CDH23: variants seen among roughly 807,000 people sequenced by gnomAD.
CDH23 encodes the protein cadherin-23.
A neutral mutation model predicts 317.1 loss-of-function variants in CDH23; 189 were observed. The observed-to-expected ratio is 0.60, with a 90% CI of 0.53 to 0.67. The LOEUF (loss-of-function observed/expected upper bound fraction) is 0.67, where lower values mean the gene tolerates loss of function less well. Ranked by LOEUF, CDH23 falls within the 30% of genes least tolerant of loss-of-function variation. CDH23 has a pLI of 0.00. For synonymous variants in CDH23, 1,839 were observed against 1,876.8 expected, an observed-to-expected ratio of 0.98 and a Z score of 0.52; for missense variants, 4,401 against 4,592.4, an observed-to-expected ratio of 0.96 and a Z score of 1.20.
At chr10:71,814,858 G>A (rs753512614) in intron 69 of CDH23, 94 bp from the exon 70 acceptor site, 17 of 1,405,052 alleles carry the variant, frequency 1.2e-5, no homozygotes, top group South Asian at 5.8e-5. Flanking sequence ...AGGAGCCCAA[G>A]GTTCAGCCAC....
chr10:71,582,841 C>A (rs1042294029), intron 9 of CDH23, among the ~76,000 whole-genome samples: 2 of 152,216 alleles, frequency 1.3e-5, no homozygotes, highest in African/African-American at 4.8e-5. Flanking sequence ...CCCTGGGAAC[C>A]TGCAGTTTGG....
intron 11 of CDH23, 48 bp from the exon 12 acceptor site, chr10:71,643,813 C>T: frequency 1.3e-6 from 1 of 765,730 alleles, no homozygotes; most frequent in East Asian, 2.4e-5. Context: ...CTCTCCGGCT[C>T]CTTCTGTCTG....
chr10:71,714,551 C>A (rs1351138571), intron 28 of CDH23: 1 of 152,216 alleles, frequency 6.6e-6, no homozygotes, highest in African/African-American at 2.4e-5. Context: ...GTGTGTGAAG[C>A]ATAAGCCACA....
intron 1 of CDH23, among the ~76,000 whole-genome samples, chr10:71,413,663 T>C (rs754953246): frequency 3.9e-5 from 6 of 152,166 alleles, no homozygotes; most frequent in Non-Finnish European, 5.9e-5. Context: ...ATGGGATGTC[T>C]TTTCATTTAT....
In CDH23 at chr10:71,759,964, T is replaced by C. The variant is rs868450486; in HGVS notation, c.4846-17716T>C. ...ACACACACATATATATACACACACA[T>C]ATATATACACACACACATATATATA... On this transcript the variant is annotated intron_variant, in intron 38 of 69. Transcript: ENST00000224721. Among the ~76,000 whole-genome samples, 325 of 59,288 alleles carry C rather than the reference T, an allele frequency of 5.5e-3. 2 individuals are homozygous for C. The highest frequency in any genetic ancestry group is 8.1e-3 in the Non-Finnish European group (188 of 23,144). 38.9% of individuals were successfully genotyped at this position (59,288 alleles called of 152,430 possible).
In CDH23 at chr10:71,793,165, T is replaced by G. The variant is rs1341552261; in HGVS notation, c.6254-17T>G. ...GAGGCCACTGTGCGCAGCTACTCCC[T>G]TTTCCCTCTCCAACAGGATTCTCAG... On this transcript the variant is annotated splice_polypyrimidine_tract_variant and intron_variant, in intron 47 of 69. Transcript: ENST00000224721. The G allele has an allele frequency of 6.3e-7, 1 of 1,590,770 alleles. No individual in the cohort carries two copies. Among genetic ancestry groups the G allele is most frequent in the Non-Finnish European group, 8.6e-7 (1 of 1,164,048 alleles).
chr10:71,715,813 G>T (rs766579126), intron 28 of CDH23: 1 of 950,080 alleles, frequency 1.1e-6, no homozygotes. Context: ...GCTTCGGGGG[G>T]TGAGTGTGTG....
Position 71,510,073 on chromosome 10 carries a change from C to T in CDH23, c.146-9C>T, listed in dbSNP as rs1331235408. 4.3e-6 allele frequency: 7 copies of T among 1,613,890 alleles called. No homozygotes were observed. The highest frequency in any genetic ancestry group is 5.9e-6 in the Non-Finnish European group (7 of 1,179,886). Reference sequence around the variant, plus strand: ...ATTTTCCCTCTGCTCTCTCCCTTGGCTACTCCAGGTTCTTCTGTGACCCAG... The same window carrying T: ...ATTTTCCCTCTGCTCTCTCCCTTGGTTACTCCAGGTTCTTCTGTGACCCAG... On this transcript the variant is annotated splice_polypyrimidine_tract_variant and intron_variant, in intron 3 of 69. Transcript: ENST00000224721.
chr10:71,710,837 C>A (rs2132755155), intron 27 of CDH23, among the ~76,000 whole-genome samples: 1 of 152,352 alleles, frequency 6.6e-6, no homozygotes, highest in Non-Finnish European at 1.5e-5. Context: ...GAGTGGCCCA[C>A]ACTGGGGAAG....
intron 48 of CDH23, among the ~76,000 whole-genome samples, chr10:71,796,355 G>C (rs998516886): frequency 5.9e-5 from 9 of 152,196 alleles, no homozygotes; most frequent in Non-Finnish European, 1.0e-4. Context: ...GGAGCAGGCA[G>C]GGACTCTGGG....
chr10:71,784,865 CCCT>C (rs1841056214), intron 42 of CDH23, 23 bp from the exon 43 acceptor site: 6 of 1,597,894 alleles, frequency 3.8e-6, no homozygotes, highest in Non-Finnish European at 5.1e-6. Flanking sequence ...TTCCTCCCCT[CCCT>C]CCTCCTTCTC....
chr10:71,810,456 A>G lies in CDH23; in HGVS notation c.8980-16A>G. Reference sequence around the variant, plus strand: ...TGCTGTGGTGGCCACACCCTACAATACCCCTTCTCATCTAGTTCCATGTGG... The same window carrying G: ...TGCTGTGGTGGCCACACCCTACAATGCCCCTTCTCATCTAGTTCCATGTGG... On this transcript the variant is annotated splice_polypyrimidine_tract_variant and intron_variant, in intron 61 of 69. Coordinates refer to ENST00000224721, the MANE Select transcript of CDH23 (RefSeq NM_022124.6). The G allele has an allele frequency of 6.2e-7, 1 of 1,612,422 alleles. No individual in the cohort carries two copies. Among genetic ancestry groups the G allele is most frequent in the South Asian group, 1.1e-5 (1 of 91,016 alleles).
intron 3 of CDH23, among the ~76,000 whole-genome samples, chr10:71,505,521 G>A (rs1356498153): frequency 2.0e-5 from 3 of 152,164 alleles, no homozygotes; most frequent in Non-Finnish European, 2.9e-5. Flanking sequence ...GGCACTTCCC[G>A]GCTGTGCTGT....
chr10:71,772,992 A>G (rs926595681), intron 38 of CDH23, among the ~76,000 whole-genome samples: 9 of 152,222 alleles, frequency 5.9e-5, no homozygotes, highest in African/African-American at 2.2e-4. Flanking sequence ...GTCAAAAGCC[A>G]GTGATATCCA....
At chr10:71,452,219 G>T (rs2132037797) in intron 3 of CDH23, among the ~76,000 whole-genome samples, 1 of 152,244 alleles carries the variant, frequency 6.6e-6, no homozygotes, top group Middle Eastern at 3.4e-3. Context: ...CTGGCTTGGA[G>T]ACACCAAGTT....
intron 3 of CDH23, among the ~76,000 whole-genome samples, chr10:71,482,541 G>A (rs1292664369): frequency 1.3e-5 from 2 of 152,222 alleles, no homozygotes; most frequent in African/African-American, 4.8e-5. Context: ...GGCCCCATAG[G>A]AATGGGAGAG....
intron 33 of CDH23, 73 bp downstream of exon 33, chr10:71,734,414 T>A: frequency 6.6e-7 from 1 of 1,510,550 alleles, no homozygotes; most frequent in Non-Finnish European, 9.0e-7. Flanking sequence ...ACCCATGTCC[T>A]CGCCAGCCAC....
At chr10:71,465,707 C>G (rs1168129603) in intron 3 of CDH23, among the ~76,000 whole-genome samples, 1 of 152,164 alleles carries the variant, frequency 6.6e-6, no homozygotes, top group Non-Finnish European at 1.5e-5. Flanking sequence ...TCTTTGCTTC[C>G]CTGGGAAAAA....
intron 8 of CDH23, among the ~76,000 whole-genome samples, chr10:71,571,997 C>A (rs1308366025): frequency 6.6e-6 from 1 of 152,250 alleles, no homozygotes; most frequent in African/African-American, 2.4e-5. Flanking sequence ...GGCCTCCCTT[C>A]ACAGCATGAG....
Sources: allele counts gnomAD v4.1 joint callset (sites outside exome capture counted in the v4.1 genomes callset), GRCh38; gene constraint gnomAD v4.1.1; transcripts MANE v1.5; gene names NCBI Gene and HGNC (gene_info 2026-07-23, HGNC 2026-07-21).